DPP6: variants seen among roughly 807,000 people sequenced by gnomAD.
The protein encoded by DPP6 is dipeptidyl peptidase like 6.
Under a neutral mutation model 122.6 loss-of-function variants are expected in DPP6, and 69 were observed. That is an observed-to-expected ratio of 0.56 (90% CI 0.46 to 0.69). The LOEUF is 0.69. Among genes scored for constraint, DPP6 ranks in the 30% least tolerant of loss-of-function variants. The pLI is 0.00. For synonymous variants in DPP6, 418 were observed against 433.1 expected (o/e 0.97, Z 0.43); for missense variants, 928 against 1,116.9 (o/e 0.83, Z 2.41).
intron 7 of DPP6, among the ~76,000 whole-genome samples, chr7:154,685,099 C>A (rs969326832): frequency 1.3e-5 from 2 of 152,222 alleles, no homozygotes; most frequent in Non-Finnish European, 2.9e-5. Context: ...TCTCCCACTG[C>A]CCTGCTGAAT....
intron 3 of DPP6, among the ~76,000 whole-genome samples, chr7:154,499,962 AC>A (rs1488483369): frequency 6.6e-6 from 1 of 152,158 alleles, no homozygotes; most frequent in Non-Finnish European, 1.5e-5. Flanking sequence ...TCCAGAGGAA[AC>A]CAGGCACAAA....
chr7:154,234,565 C>T (rs1801092285), intron 1 of DPP6, among the ~76,000 whole-genome samples: 1 of 152,096 alleles, frequency 6.6e-6, no homozygotes, highest in Non-Finnish European at 1.5e-5. Flanking sequence ...TAGATATTAT[C>T]ACTTAGGTGG....
intron 8 of DPP6, among the ~76,000 whole-genome samples, chr7:154,751,609 C>CAAA (rs11339562): frequency 1.1e-5 from 1 of 87,380 alleles, no homozygotes; most frequent in Non-Finnish European, 2.3e-5. Flanking sequence ...GACTCTGTCT[C>CAAA]AAAAAAAAAA....
At chr7:154,087,846 T>A (rs4067521) in intron 1 of DPP6, among the ~76,000 whole-genome samples, 1 of 152,178 alleles carries the variant, frequency 6.6e-6, no homozygotes. Context: ...TATAGACACA[T>A]ATGTATGCAA....
chr7:153,935,079 C>T (rs544588256), intron 1 of DPP6, among the ~76,000 whole-genome samples: 3 of 152,200 alleles, frequency 2.0e-5, no homozygotes, highest in East Asian at 1.9e-4. Flanking sequence ...CCTGACATAA[C>T]GCTGTGCCCA....
At position 153,966,764 on chromosome 7, in the gene DPP6, T is replaced by C. The variant is rs1795761758; in HGVS notation, c.51+79030T>C. Among the ~76,000 whole-genome samples the C allele has an allele frequency of 6.6e-5, 10 of 151,788 alleles. No individual in the cohort carries two copies. The South Asian group carries it at 1.7e-3, about 25-fold the overall frequency. The stretch of plus-strand genomic sequence containing the variant: ...ACAAAATGACAAGCCTCATTTACCT[T>C]AAAATAAGAAATCTCTTGGCCAGGC... On this transcript the variant is annotated intron_variant, in intron 1 of 25. Coordinates refer to the DPP6 transcript ENST00000404039.
intron 5 of DPP6, among the ~76,000 whole-genome samples, chr7:154,611,862 T>A (rs1438358103): frequency 1.8e-5 from 1 of 56,582 alleles, no homozygotes; most frequent in African/African-American, 4.1e-5. Context: ...TATATGTGTG[T>A]GTGTGTGTGT....
intron 12 of DPP6, 80 bp from the exon 13 acceptor site, chr7:154,801,275 G>A (rs972473635): frequency 1.0e-4 from 154 of 1,522,682 alleles, no homozygotes; most frequent in Admixed American, 1.8e-4. Context: ...ATGTATCTCG[G>A]GGTGTATTTT....
chr7:154,686,937 C>T (rs1317032617), intron 7 of DPP6, among the ~76,000 whole-genome samples: 3 of 152,182 alleles, frequency 2.0e-5, no homozygotes, highest in Non-Finnish European at 2.9e-5. Context: ...CCACCGGGTT[C>T]CGGGTCCCTC....
rs1472610481 is a variant in DPP6, at chr7:154,282,106, G to C, written c.244-164108G>C. On this transcript the variant is annotated intron_variant, in intron 1 of 25. Transcript: ENST00000377770. The surrounding 1 kb of genome is among the most constrained non-coding windows in gnomAD (Gnocchi z 4.8). ...TCCTGAGAACCAAGTGTAATGATGT[G>C]TGTTGAGGGGTGGGGACAGGGCTGG... Among the ~76,000 whole-genome samples the C allele has an allele frequency of 6.6e-6, 1 of 152,132 alleles. No homozygotes were observed. The highest frequency in any genetic ancestry group is 1.5e-5 in the Non-Finnish European group (1 of 68,020).
chr7:153,753,290 T>A, the DPP6 span, among the ~76,000 whole-genome samples: 3 of 152,086 alleles, frequency 2.0e-5, no homozygotes, highest in African/African-American at 7.2e-5. Context: ...TGTACCATTA[T>A]TTTCAAAAAT....
chr7:154,868,243 G>C, intron 18 of DPP6, 150 bp downstream of exon 18: 1 of 1,132,464 alleles, frequency 8.8e-7, no homozygotes. Context: ...GGCATGGAGT[G>C]TCTTGTGTTC....
intron 1 of DPP6, among the ~76,000 whole-genome samples, chr7:154,259,809 C>T (rs748925345): frequency 2.0e-5 from 3 of 152,162 alleles, no homozygotes; most frequent in African/African-American, 4.8e-5. Flanking sequence ...GTATGCCAAA[C>T]GCGTTCACAA....
rs137890119 is a variant in DPP6 at position 153,973,208 on chromosome 7, A to G, written c.51+85474A>G. On this transcript the variant is annotated intron_variant, in intron 1 of 25. Coordinates refer to the DPP6 transcript ENST00000404039. ...TTTCTCGTTGTTGGTATTTTATTTAAGCATTCATTCTTTATATAAGGCTCA... is the reference window on the plus strand; with the variant it reads ...TTTCTCGTTGTTGGTATTTTATTTAGGCATTCATTCTTTATATAAGGCTCA... Among the ~76,000 whole-genome samples, 816 of 152,306 alleles carry G rather than the reference A, an allele frequency of 5.4e-3. 3 individuals are homozygous for G. The highest frequency in any genetic ancestry group is 0.018 in the African/African-American group (754 of 41,560).
At chr7:154,416,451 T>TGA (rs1228817906) in intron 1 of DPP6, among the ~76,000 whole-genome samples, 1 of 149,374 alleles carries the variant, frequency 6.7e-6, no homozygotes, top group Non-Finnish European at 1.5e-5. Flanking sequence ...TTTGTGACAG[T>TGA]GAGAGAGAGA....
At chr7:154,738,748 T>C (rs1022947615) in intron 8 of DPP6, among the ~76,000 whole-genome samples, 1 of 152,226 alleles carries the variant, frequency 6.6e-6, no homozygotes, top group Admixed American at 6.5e-5. Flanking sequence ...TGAAGTTCAG[T>C]GCTAAGAGCA....
intron 1 of DPP6, among the ~76,000 whole-genome samples, chr7:154,024,407 G>C (rs1329897194): frequency 6.6e-6 from 1 of 152,040 alleles, no homozygotes; most frequent in African/African-American, 2.4e-5. Context: ...TGGGCTTGTT[G>C]GAGACACAAC....
At chr7:154,071,668 G>A (rs1803129724) in intron 1 of DPP6, among the ~76,000 whole-genome samples, 1 of 152,198 alleles carries the variant, frequency 6.6e-6, no homozygotes, top group East Asian at 1.9e-4. Context: ...ACTATGATTT[G>A]AAACAAATGC....
intron 4 of DPP6, among the ~76,000 whole-genome samples, chr7:154,544,968 C>A (rs568931054): frequency 6.6e-6 from 1 of 152,198 alleles, no homozygotes; most frequent in South Asian, 2.1e-4. Context: ...GAATCCACGC[C>A]ACTTTAGTTT....
Sources: gnomAD v4.1 joint callset for allele counts (sites outside exome capture counted in the v4.1 genomes callset) on GRCh38, gnomAD v4.1.1 for gene constraint, Gnocchi (gnomAD v3.1) non-coding constraint, MANE v1.5 for transcripts, NCBI Gene and HGNC (gene_info 2026-07-23, HGNC 2026-07-21) for gene names.